The following A2M variants were observed in gnomAD, a reference collection of about 807,000 sequenced individuals.
A2M encodes the protein C3 and PZP-like alpha-2-macroglobulin domain-containing protein 5.
Under a neutral mutation model 183.9 loss-of-function variants are expected in A2M, and 128 were observed. The observed-to-expected ratio is 0.70, with a 90% CI of 0.60 to 0.81. The LOEUF is 0.81. Ranked by LOEUF, A2M falls within the 30% of genes least tolerant of loss-of-function variation. The pLI is 0.00. For missense variants in A2M, 1,495 were observed against 1,787.6 expected, an observed-to-expected ratio of 0.84 and a Z score of 2.95; for synonymous variants, 592 against 670.8, an observed-to-expected ratio of 0.88 and a Z score of 1.81.
At chr12:9,116,030 G>T, upstream of A2M, 2 of 648,396 alleles carry the variant, frequency 3.1e-6, no homozygotes. Context: ...CTCTGGAAAG[G>T]TCATTGATGG....
intron 4 of A2M, 77 bp from the exon 5 acceptor site, chr12:9,110,411 G>GCAAA: frequency 1.1e-6 from 1 of 883,558 alleles, no homozygotes; most frequent in Non-Finnish European, 1.7e-6. Flanking sequence ...AAAGCAGCTA[G>GCAAA]TATTTGCTAG....
Position 9,101,438 on chromosome 12 carries a change from C to T in A2M, c.1494+9G>A. ...ACAGTGAAGTCAACGCAGTAACCTC[C>T]CTTCTCACCAGATAATAGAAGGAGA... On this transcript the variant is annotated intron_variant, in intron 12 of 35. Transcript: ENST00000318602. The T allele has an allele frequency of 6.2e-7, 1 of 1,608,358 alleles. No homozygotes were observed. Among genetic ancestry groups the T allele is most frequent in the Non-Finnish European group, 8.5e-7 (1 of 1,175,646 alleles).
intron 6 of A2M, 94 bp from the exon 7 acceptor site, chr12:9,109,499 T>G: frequency 1.1e-6 from 1 of 922,770 alleles, no homozygotes; most frequent in East Asian, 2.6e-5. Context: ...CTAATAATAT[T>G]TTAGGGCTCT....
intron 15 of A2M, 158 bp downstream of exon 15, chr12:9,098,449 T>TATAA (rs202027484): frequency 0.01 from 3,947 of 381,398 alleles, 160 homozygotes; most frequent in African/African-American, 0.084. Context: ...TATATATATA[T>TATAA]AATTCCTTAC....
At position 9,104,445 on chromosome 12, in the gene A2M, T is replaced by C. The variant is rs1452471452; in HGVS notation, c.1105-45A>G. On this transcript the variant is annotated intron_variant, in intron 10 of 35. Coordinates refer to ENST00000318602, the MANE Select transcript of A2M (RefSeq NM_000014.6). ...GATTAGTTATATTGGTAATAACTAA[T>C]AGGCACCAAACATATTCATTTATCA... The C allele has an allele frequency of 3.9e-6, 6 of 1,536,656 alleles. No homozygotes were observed. The South Asian group carries it at 7.3e-5, about 19-fold the overall frequency.
intron 28 of A2M, among the ~76,000 whole-genome samples, chr12:9,076,055 T>C (rs745600637): frequency 1.5e-4 from 23 of 152,346 alleles, no homozygotes; most frequent in African/African-American, 5.5e-4. Flanking sequence ...CCATGGTATA[T>C]GTAGAAGTAC....
intron 15 of A2M, 174 bp downstream of exon 15, chr12:9,098,433 T>C (rs979315295): frequency 1.4e-4 from 45 of 315,160 alleles, no homozygotes; most frequent in Non-Finnish European, 2.0e-4. Flanking sequence ...TGAGTAGTTA[T>C]ATATATATAT....
intron 11 of A2M, among the ~76,000 whole-genome samples, chr12:9,103,836 G>T (rs746634466): frequency 6.6e-6 from 1 of 152,082 alleles, no homozygotes; most frequent in Non-Finnish European, 1.5e-5. Context: ...GGGTAGCCTC[G>T]ATCTCTCAGC....
intron 20 of A2M, 82 bp downstream of exon 20, chr12:9,090,274 A>G (rs1353441014): frequency 1.9e-6 from 3 of 1,589,640 alleles, no homozygotes; most frequent in Admixed American, 1.7e-5. Context: ...CTTTTCCTGA[A>G]GGAAGTAGCA....
intron 1 of A2M, 71 bp downstream of exon 1, chr12:9,115,693 G>A: frequency 2.6e-6 from 3 of 1,147,388 alleles, no homozygotes; most frequent in Non-Finnish European, 3.9e-6. Flanking sequence ...AAAAAGGAAT[G>A]ATATAAAGAA....
chr12:9,072,591 C>T, intron 30 of A2M, 62 bp downstream of exon 30: 1 of 1,599,544 alleles, frequency 6.3e-7, no homozygotes. Flanking sequence ...TGAGTTAGGA[C>T]TTCTCAGAGA....
intron 17 of A2M, among the ~76,000 whole-genome samples, chr12:9,093,970 G>C (rs1326559540): frequency 1.3e-5 from 2 of 152,066 alleles, no homozygotes; most frequent in African/African-American, 4.8e-5. Context: ...AGGGTCATAA[G>C]CAGAGGCTAT....
At chr12:9,095,145 A>G in intron 16 of A2M, 61 bp from the exon 17 acceptor site, 1 of 865,432 alleles carries the variant, frequency 1.2e-6, no homozygotes, top group Non-Finnish European at 1.7e-6. Flanking sequence ...ATAGGTAGCT[A>G]CTTCTTTTTA....
At position 9,113,488 on chromosome 12, in the gene A2M, A is replaced by G; in HGVS notation, c.142T>C (p.Cys48Arg). 6.2e-7 allele frequency: 1 copy of G among 1,613,768 alleles called. No individual in the cohort carries two copies. The highest frequency in any genetic ancestry group is 8.5e-7 in the Non-Finnish European group (1 of 1,179,844). ...TCATTCAGGTAGCTCAGAAGGACAC[A>G]GCCCTTCTCAGTGGTCTCAGTGTGG... Reference protein sequence around the residue: ...LLHTETTEKGCVLLSYLNETV... With the variant: ...LLHTETTEKGRVLLSYLNETV... Residue 48 changes from cysteine (C) to arginine (R), a missense_variant, in exon 2 of 36, where the codon TGT becomes CGT. Transcript: ENST00000318602.
rs1411941260 is a variant in A2M at position 9,101,655 on chromosome 12, C to T, written c.1286G>A (p.Ser429Asn). Residue 429 changes from serine (S) to asparagine (N), a missense_variant, in exon 12 of 36, where the codon AGT becomes AAT. Transcript: ENST00000318602. ...LTVRVNYKDR[S>N]PCYGYQWVSE... ...CACCCACTGGTAGCCGTAACAGGGACTACGATCCTTGTAATTGACCTAATG... is the reference window on the plus strand; with the variant it reads ...CACCCACTGGTAGCCGTAACAGGGATTACGATCCTTGTAATTGACCTAATG... 5 of 1,613,150 alleles carry T rather than the reference C, an allele frequency of 3.1e-6. No homozygotes were observed. Among genetic ancestry groups the T allele is most frequent in the East Asian group, 2.2e-5 (1 of 44,880 alleles).
rs774976367 is a variant in A2M at position 9,075,655 on chromosome 12, T to C, written c.3533-872A>G. Reference sequence around the variant, plus strand: ...ATTCAAAAATGTTTCTCTTGTTTCTTGAATAAGAGAGAAATAAAAATCTTG... The same window carrying C: ...ATTCAAAAATGTTTCTCTTGTTTCTCGAATAAGAGAGAAATAAAAATCTTG... On this transcript the variant is annotated intron_variant, in intron 28 of 35. Coordinates refer to ENST00000318602, the MANE Select transcript of A2M (RefSeq NM_000014.6). 2.0e-5 allele frequency among the ~76,000 whole-genome samples: 3 copies of C among 152,320 alleles called. No homozygotes were observed. The South Asian group carries it at 6.2e-4, about 32-fold the overall frequency.
rs1948477374 is a variant in A2M, at chr12:9,068,918, G to GT, written c.4264-77dup. 3.9e-6 allele frequency: 4 copies of GT among 1,035,594 alleles called. No homozygotes were observed. In the Admixed American group the frequency reaches 1.1e-4, roughly 27 times the overall value. 64.2% of individuals were successfully genotyped at this position (1,035,594 alleles called of 1,614,324 possible). A position where few individuals can be genotyped will look rare whatever the true frequency, so the allele number is the denominator to read the frequency against. On this transcript the variant is annotated intron_variant, in intron 33 of 35. Transcript: ENST00000318602. ...TTTGAATTAGTTTAAGTATTCACCT[G>GT]TTTTTTGGGGGAAAAGCTTTATTAT...
At chr12:9,085,233 AAGAT>A (rs1166504752) in intron 22 of A2M, among the ~76,000 whole-genome samples, 1 of 152,128 alleles carries the variant, frequency 6.6e-6, no homozygotes, top group African/African-American at 2.4e-5. Flanking sequence ...AACATTCTCC[AAGAT>A]AGATCATATT....
intron 22 of A2M, among the ~76,000 whole-genome samples, chr12:9,087,892 A>G (rs1363028352): frequency 1.3e-5 from 2 of 152,246 alleles, no homozygotes; most frequent in Middle Eastern, 3.4e-3. Flanking sequence ...GTACTTGCAT[A>G]TGTTCATTAA....
Sources: gnomAD v4.1 joint callset for allele counts (sites outside exome capture counted in the v4.1 genomes callset) on GRCh38, gnomAD v4.1.1 for gene constraint, MANE v1.5 for transcripts, NCBI Gene and HGNC (gene_info 2026-07-23, HGNC 2026-07-21) for gene names.